PEBP4: variants seen among roughly 807,000 people sequenced by gnomAD.
PEBP4 encodes phosphatidylethanolamine-binding protein 4.
In PEBP4, 22 loss-of-function variants were observed where a neutral mutation model predicts 23.9. The observed-to-expected ratio is 0.92, with a 90% confidence interval of 0.66 to 1.31. PEBP4 has a LOEUF of 1.31. Among genes scored for constraint, PEBP4 ranks in the 40% most tolerant of loss-of-function variants. The pLI is 0.00. For synonymous variants in PEBP4, 112 were observed against 99.3 expected (o/e 1.13, Z -0.76); for missense variants, 324 against 281.7 (o/e 1.15, Z -1.07).
At chr8:22,784,906 G>C (rs939169098) in intron 4 of PEBP4, among the ~76,000 whole-genome samples, 1 of 152,176 alleles carries the variant, frequency 6.6e-6, no homozygotes, top group South Asian at 2.1e-4. Flanking sequence ...CCGGAGGGGG[G>C]ACCGTCAGGA....
At chr8:22,890,487 C>A (rs1808471922) in intron 3 of PEBP4, among the ~76,000 whole-genome samples, 1 of 152,322 alleles carries the variant, frequency 6.6e-6, no homozygotes, top group South Asian at 2.1e-4. Context: ...CTCCATTCTC[C>A]ATTATTTACA....
At chr8:22,917,769 G>C (rs150053139) in intron 3 of PEBP4, among the ~76,000 whole-genome samples, 2 of 152,270 alleles carry the variant, frequency 1.3e-5, no homozygotes, top group Admixed American at 1.3e-4. Flanking sequence ...CTAGGTTCAG[G>C]GATAGGCACA....
intron 3 of PEBP4, among the ~76,000 whole-genome samples, chr8:22,870,029 A>C (rs570023923): frequency 6.6e-6 from 1 of 152,232 alleles, no homozygotes; most frequent in Admixed American, 6.5e-5. Context: ...TACTCCTAGC[A>C]TACAATCCAG....
chr8:22,752,021 C>T lies in PEBP4; in HGVS notation c.358-24801G>A, dbSNP rs550218715. 9.9e-5 allele frequency among the ~76,000 whole-genome samples: 15 copies of T among 152,276 alleles called. No individual in the cohort carries two copies. The East Asian group carries it at 2.7e-3, about 27-fold the overall frequency. On this transcript the variant is annotated intron_variant, in intron 4 of 6. Coordinates refer to ENST00000256404, the MANE Select transcript of PEBP4 (RefSeq NM_144962.3). ...AGGCAATCCTCCTACCTCAGCCTCCCGAGTAGCTAGGACTACAGGCACACA... is the reference window on the plus strand; with the variant it reads ...AGGCAATCCTCCTACCTCAGCCTCCTGAGTAGCTAGGACTACAGGCACACA...
chr8:22,866,828 T>C (rs1807913379), intron 3 of PEBP4, among the ~76,000 whole-genome samples: 1 of 152,082 alleles, frequency 6.6e-6, no homozygotes, highest in African/African-American at 2.4e-5. Flanking sequence ...AAGCAATAAA[T>C]GTTATTAAAA....
In PEBP4 at chr8:22,927,872, C is replaced by T. The variant is rs1412913153; in HGVS notation, c.-56G>A. The T allele has an allele frequency of 2.4e-6, 2 of 841,234 alleles. No homozygotes were observed. The highest frequency in any genetic ancestry group is 1.8e-6 in the Non-Finnish European group (1 of 557,192). The allele number at this position is 841,234 out of a possible 1,614,324, so 52.1% of individuals were successfully genotyped here. A position where few individuals can be genotyped will look rare whatever the true frequency, so the allele number is the denominator to read the frequency against. ...ACAGGCAGCTTCCAGGGCTCCGCAG[C>T]TAATCCAGTCCACCACCCGGACACA... On this transcript the variant is annotated 5_prime_UTR_variant, in exon 1 of 7. Coordinates refer to ENST00000256404, the MANE Select transcript of PEBP4 (RefSeq NM_144962.3).
intron 6 of PEBP4, 120 bp downstream of exon 6, chr8:22,724,723 C>T: frequency 4.2e-6 from 3 of 721,012 alleles, no homozygotes; most frequent in East Asian, 5.4e-5. Flanking sequence ...CAGCCTTCGA[C>T]CCCAGTCTCC....
intron 3 of PEBP4, among the ~76,000 whole-genome samples, chr8:22,919,069 A>C (rs965980503): frequency 2.0e-5 from 3 of 152,140 alleles, no homozygotes; most frequent in Non-Finnish European, 4.4e-5. Flanking sequence ...ATCACAATCT[A>C]TTTGCTCTCT....
chr8:22,851,550 A>G (rs1405841345), intron 3 of PEBP4, among the ~76,000 whole-genome samples: 2 of 152,154 alleles, frequency 1.3e-5, no homozygotes, highest in Non-Finnish European at 2.9e-5. Flanking sequence ...AAGACCACAC[A>G]GGAAAAGCAA....
At chr8:22,724,262 C>T (rs997747915) in intron 6 of PEBP4, among the ~76,000 whole-genome samples, 4 of 151,958 alleles carry the variant, frequency 2.6e-5, no homozygotes, top group South Asian at 4.2e-4. Context: ...GCAGGAGGAC[C>T]GAGGCCAAGC....
At chr8:22,754,715 G>C (rs1805340259) in intron 4 of PEBP4, 1 of 152,250 alleles carries the variant, frequency 6.6e-6, no homozygotes, top group African/African-American at 2.4e-5. Context: ...GAGCCAGCTA[G>C]GCAGGGAGTA....
chr8:22,918,719 A>T (rs1299417906), intron 3 of PEBP4, among the ~76,000 whole-genome samples: 4 of 152,196 alleles, frequency 2.6e-5, no homozygotes, highest in African/African-American at 4.8e-5. Context: ...ATGGATGGTG[A>T]AGCCGAGAGT....
chr8:22,785,869 G>A (rs778007639), intron 4 of PEBP4, among the ~76,000 whole-genome samples: 39 of 152,158 alleles, frequency 2.6e-4, no homozygotes, highest in African/African-American at 9.7e-5. Flanking sequence ...TGGAGACAAC[G>A]GGGCTACTCT....
chr8:22,806,860 C>T (rs1806506122), intron 4 of PEBP4, among the ~76,000 whole-genome samples: 1 of 152,218 alleles, frequency 6.6e-6, no homozygotes, highest in African/African-American at 2.4e-5. Context: ...CTGTACTGTG[C>T]TTACTGACAG....
In PEBP4 at chr8:22,854,035, C is replaced by A. The variant is rs144492957; in HGVS notation, c.259-36300G>T. On this transcript the variant is annotated intron_variant, in intron 3 of 6. Transcript: ENST00000256404. Reference sequence around the variant, plus strand: ...ATATAAGAGAAAAAAATGATCCATCCAATATAATCAGTGCCTGCAATGCTG... The same window carrying A: ...ATATAAGAGAAAAAAATGATCCATCAAATATAATCAGTGCCTGCAATGCTG... 4.7e-3 allele frequency among the ~76,000 whole-genome samples: 710 copies of A among 152,282 alleles called. 3 individuals are homozygous for A. The highest frequency in any genetic ancestry group is 7.5e-3 in the Non-Finnish European group (513 of 68,022).
At chr8:22,766,887 G>A (rs1046687685) in intron 4 of PEBP4, among the ~76,000 whole-genome samples, 7 of 152,180 alleles carry the variant, frequency 4.6e-5, no homozygotes, top group Admixed American at 4.6e-4. Flanking sequence ...TTGAATGATT[G>A]CTTCTGCAAG....
chr8:22,900,374 C>T (rs1029366690), intron 3 of PEBP4, among the ~76,000 whole-genome samples: 12 of 152,150 alleles, frequency 7.9e-5, no homozygotes, highest in African/African-American at 1.2e-4. Context: ...TTGACCCGAG[C>T]GCAGTGGCTC....
At chr8:22,761,308 C>G (rs149387621) in intron 4 of PEBP4, among the ~76,000 whole-genome samples, 1 of 151,970 alleles carries the variant, frequency 6.6e-6, no homozygotes, top group Non-Finnish European at 1.5e-5. Flanking sequence ...GGGCCAGGGG[C>G]GCCCCTTGAT....
At chr8:22,774,801 G>A (rs533114970) in intron 4 of PEBP4, among the ~76,000 whole-genome samples, 9 of 152,330 alleles carry the variant, frequency 5.9e-5, no homozygotes, top group African/African-American at 2.2e-4. Flanking sequence ...CCTCTTGTCT[G>A]TCAGCGCCTC....
Sources: gnomAD v4.1 joint callset for allele counts (sites outside exome capture counted in the v4.1 genomes callset) on GRCh38, gnomAD v4.1.1 for gene constraint, MANE v1.5 for transcripts, NCBI Gene and HGNC (gene_info 2026-07-23, HGNC 2026-07-21) for gene names.